The following DPYSL3 variants were observed in gnomAD, a reference collection of about 807,000 sequenced individuals.
DPYSL3 encodes the protein dihydropyrimidinase-related protein 3.
Under a neutral mutation model 66.1 loss-of-function variants are expected in DPYSL3, and 16 were observed. That is an observed-to-expected ratio of 0.24 (90% CI 0.16 to 0.37). DPYSL3 has a LOEUF of 0.37. Ranked by LOEUF, DPYSL3 falls within the 10% of genes least tolerant of loss-of-function variation. DPYSL3 has a pLI of 1.00. For missense variants in DPYSL3, 738 were observed against 916.2 expected, an observed-to-expected ratio of 0.81 and a Z score of 2.51; for synonymous variants, 338 against 345.1, an observed-to-expected ratio of 0.98 and a Z score of 0.23.
Position 147,396,382 on chromosome 5 carries a change from G to T in DPYSL3, c.1804-661C>A, listed in dbSNP as rs1368610704. On this transcript the variant is annotated intron_variant, in intron 12 of 13. Transcript: ENST00000343218. ...TAGGGCCTTTGGCCATGGGAAACAC[G>T]GTACCTCCTGCAAAGGGGCTTACAG... Among the ~76,000 whole-genome samples the T allele has an allele frequency of 3.8e-4, 58 of 152,152 alleles. 1 individual carries two copies. The highest frequency in any genetic ancestry group is 1.6e-4 in the Non-Finnish European group (11 of 68,030).
At chr5:147,444,983 T>C (rs748953238) in intron 1 of DPYSL3, among the ~76,000 whole-genome samples, 38 of 151,978 alleles carry the variant, frequency 2.5e-4, no homozygotes, top group Non-Finnish European at 4.4e-4. Flanking sequence ...AATGACTTTG[T>C]AGTTTACGTG....
At chr5:147,485,958 A>T (rs62379595) in intron 1 of DPYSL3, among the ~76,000 whole-genome samples, 3 of 152,150 alleles carry the variant, frequency 2.0e-5, no homozygotes, top group Admixed American at 2.0e-4. Context: ...CCCAATGTCT[A>T]TCAGCTGATG....
chr5:147,484,286 C>A lies in DPYSL3; in HGVS notation c.381+25192G>T, dbSNP rs1753295854. Among the ~76,000 whole-genome samples, 3 of 152,218 alleles carry A rather than the reference C, an allele frequency of 2.0e-5. No homozygotes were observed. The South Asian group carries it at 6.2e-4, about 32-fold the overall frequency. On this transcript the variant is annotated intron_variant, in intron 1 of 13. Transcript: ENST00000343218. ...CAAATGATTTATGTCTCGCTGAGGG[C>A]TTTTCCCCTTCATAGCCCATCTGGC...
chr5:147,458,178 C>G (rs1209921503), intron 1 of DPYSL3, among the ~76,000 whole-genome samples: 1 of 152,098 alleles, frequency 6.6e-6, no homozygotes, highest in Non-Finnish European at 1.5e-5. Context: ...TTAAGGCATT[C>G]TAAGTCACAG....
At chr5:147,494,889 T>TAAG (rs1484370502) in intron 1 of DPYSL3, among the ~76,000 whole-genome samples, 4 of 148,194 alleles carry the variant, frequency 2.7e-5, no homozygotes. Flanking sequence ...AAAATAATAA[T>TAAG]AATAATAATA....
intron 1 of DPYSL3, among the ~76,000 whole-genome samples, chr5:147,453,200 C>T: frequency 6.6e-6 from 1 of 152,204 alleles, no homozygotes; most frequent in Non-Finnish European, 1.5e-5. Flanking sequence ...CACACCTCAA[C>T]CTGGGGCGGC....
At chr5:147,437,648 T>G (rs1752437667) in intron 1 of DPYSL3, among the ~76,000 whole-genome samples, 2 of 152,126 alleles carry the variant, frequency 1.3e-5, no homozygotes, top group Admixed American at 6.5e-5. Context: ...GTCTTCCAGT[T>G]TGCTCTGCCT....
intron 6 of DPYSL3, among the ~76,000 whole-genome samples, chr5:147,411,603 A>AT (rs1220174906): frequency 6.6e-6 from 1 of 152,130 alleles, no homozygotes; most frequent in African/African-American, 2.4e-5. Flanking sequence ...TTAAATGAGA[A>AT]TACACCAGAA....
chr5:147,413,750 C>T lies in DPYSL3; in HGVS notation c.821-93G>A. The T allele has an allele frequency of 5.0e-6, 5 of 1,004,504 alleles. No individual in the cohort carries two copies. In the East Asian group the frequency reaches 1.0e-4, roughly 20 times the overall value. 62.2% of individuals were successfully genotyped at this position (1,004,504 alleles called of 1,614,324 possible). A position where few individuals can be genotyped will look rare whatever the true frequency, so the allele number is the denominator to read the frequency against. ...GCTCCCACTTCCATCGACCATAGCA[C>T]CCAGCTGCATTACCCGGGCTCCTGT... On this transcript the variant is annotated intron_variant, in intron 4 of 13. Transcript: ENST00000343218.
At chr5:147,487,439 T>G (rs1485858061) in intron 1 of DPYSL3, among the ~76,000 whole-genome samples, 1 of 152,220 alleles carries the variant, frequency 6.6e-6, no homozygotes, top group Non-Finnish European at 1.5e-5. Context: ...TTTTGGAATC[T>G]TTTCATATCA....
intron 7 of DPYSL3, 93 bp from the exon 8 acceptor site, chr5:147,405,823 C>A: frequency 6.7e-7 from 1 of 1,493,706 alleles, no homozygotes; most frequent in Non-Finnish European, 9.0e-7. Flanking sequence ...CAGTGCTGCA[C>A]AAAGGTTATG....
chr5:147,463,319 G>A (rs1233279108), intron 1 of DPYSL3, among the ~76,000 whole-genome samples: 1 of 152,102 alleles, frequency 6.6e-6, no homozygotes, highest in Non-Finnish European at 1.5e-5. Context: ...CAACAATGAG[G>A]AGATACTTTC....
At chr5:147,470,124 C>G (rs1481065354) in intron 1 of DPYSL3, among the ~76,000 whole-genome samples, 3 of 152,206 alleles carry the variant, frequency 2.0e-5, no homozygotes, top group Non-Finnish European at 2.9e-5. Flanking sequence ...GGTTCATCCT[C>G]TCTTCGTAAC....
chr5:147,500,401 G>T (rs1177809296), intron 1 of DPYSL3, among the ~76,000 whole-genome samples: 1 of 152,074 alleles, frequency 6.6e-6, no homozygotes, highest in Non-Finnish European at 1.5e-5. Context: ...ATCACCTGAG[G>T]TTAGGAGTTT....
intron 1 of DPYSL3, among the ~76,000 whole-genome samples, chr5:147,483,908 A>G (rs754771436): frequency 6.6e-6 from 1 of 152,212 alleles, no homozygotes; most frequent in Non-Finnish European, 1.5e-5. Context: ...TGAAGGCCCA[A>G]TGAGCTACAT....
At chr5:147,479,429 C>A (rs776570327) in intron 1 of DPYSL3, among the ~76,000 whole-genome samples, 1 of 152,066 alleles carries the variant, frequency 6.6e-6, no homozygotes, top group Non-Finnish European at 1.5e-5. Flanking sequence ...TGTTTAGGAG[C>A]GCAAGTCTTG....
chr5:147,477,319 A>T (rs1753168264), intron 1 of DPYSL3, among the ~76,000 whole-genome samples: 1 of 151,702 alleles, frequency 6.6e-6, no homozygotes, highest in Non-Finnish European at 1.5e-5. Flanking sequence ...AACTATGACC[A>T]GATAGCCCTG....
chr5:147,474,676 C>A (rs1382223852), intron 1 of DPYSL3, among the ~76,000 whole-genome samples: 2 of 151,940 alleles, frequency 1.3e-5, no homozygotes, highest in African/African-American at 2.4e-5. Flanking sequence ...ATAATGCCTG[C>A]CACATGGTAA....
Position 147,418,541 on chromosome 5 carries a change from A to G in DPYSL3, c.561T>C (p.His187=). 6.2e-7 allele frequency: 1 copy of G among 1,613,720 alleles called. No individual in the cohort carries two copies. Among genetic ancestry groups the G allele is most frequent in the Non-Finnish European group, 8.5e-7 (1 of 1,179,804 alleles). The change falls in exon 3 of 14, where the codon CAT becomes CAC. Residue 187 remains histidine, a synonymous_variant. Coordinates refer to ENST00000343218, the MANE Select transcript of DPYSL3 (RefSeq NM_001197294.2). ...CCTTATATGGCATCTGGAAGTGAGT[A>G]TGGACATCGATGCCTCCAGGGATCA... ...KMVIPGGIDV[H]THFQMPYKGM...
Sources: gnomAD v4.1 joint callset for allele counts (sites outside exome capture counted in the v4.1 genomes callset) on GRCh38, gnomAD v4.1.1 for gene constraint, MANE v1.5 for transcripts, NCBI Gene and HGNC (gene_info 2026-07-23, HGNC 2026-07-21) for gene names.